LRRC4C: variants seen among roughly 807,000 people sequenced by gnomAD.
LRRC4C encodes the protein leucine rich repeat containing 4C, also known as leucine-rich repeat-containing protein 4C.
In LRRC4C, 5 loss-of-function variants were observed where a neutral mutation model predicts 33.6. The ratio of observed to expected loss-of-function variants is 0.15; its 90% confidence interval spans 0.08 to 0.31. The LOEUF (loss-of-function observed/expected upper bound fraction) is 0.31. LRRC4C is among the 10% of genes least tolerant of loss of function. LRRC4C has a pLI of 1.00. For missense variants in LRRC4C, 560 were observed against 796.7 expected (o/e 0.70, Z 3.58); for synonymous variants, 329 against 302.0 (o/e 1.09, Z -0.93).
At chr11:40,295,023 A>C (rs1028801520) in intron 4 of LRRC4C, among the ~76,000 whole-genome samples, 57 of 152,122 alleles carry the variant, frequency 3.7e-4, no homozygotes, top group African/African-American at 1.3e-3. Flanking sequence ...CAGTTTGTAC[A>C]AGACATCCAG....
chr11:40,412,508 T>A (rs777114105), intron 3 of LRRC4C, among the ~76,000 whole-genome samples: 7 of 152,100 alleles, frequency 4.6e-5, no homozygotes, highest in Non-Finnish European at 8.8e-5. Context: ...TTTTAAAAAT[T>A]CTGGATGAAC....
intron 3 of LRRC4C, among the ~76,000 whole-genome samples, chr11:40,535,002 C>T (rs1956414017): frequency 6.6e-6 from 1 of 152,072 alleles, no homozygotes; most frequent in Non-Finnish European, 1.5e-5. Flanking sequence ...AAAATGTTAT[C>T]TCAATATAGT....
intron 3 of LRRC4C, among the ~76,000 whole-genome samples, chr11:40,348,139 TTAA>T (rs982688565): frequency 7.9e-5 from 12 of 151,996 alleles, no homozygotes; most frequent in South Asian, 4.2e-4. Context: ...CATAACAGAT[TTAA>T]TAATAATAAT....
chr11:40,889,967 C>T (rs947792467), intron 2 of LRRC4C, among the ~76,000 whole-genome samples: 1 of 152,140 alleles, frequency 6.6e-6, no homozygotes, highest in Admixed American at 6.6e-5. Context: ...TACTACATGT[C>T]TCCTCAATTT....
At chr11:41,103,223 ATATCT>A in intron 1 of LRRC4C, among the ~76,000 whole-genome samples, 1 of 152,034 alleles carries the variant, frequency 6.6e-6, no homozygotes, top group South Asian at 2.1e-4. Context: ...ATTGGTAATG[ATATCT>A]TAATTCAGAA....
intron 1 of LRRC4C, among the ~76,000 whole-genome samples, chr11:41,417,970 A>G (rs114311141): frequency 0.012 from 1,837 of 151,274 alleles, 39 homozygotes; most frequent in African/African-American, 0.043. Context: ...ATATACAAAT[A>G]TATACGTGTA....
At chr11:41,297,128 C>T (rs984255059) in intron 1 of LRRC4C, among the ~76,000 whole-genome samples, 1 of 152,126 alleles carries the variant, frequency 6.6e-6, no homozygotes, top group Non-Finnish European at 1.5e-5. Flanking sequence ...CTTTCTCTGT[C>T]AATTGAGATG....
rs1415424333 is a variant in LRRC4C, at chr11:40,500,291, T to C, written c.-270+147851A>G. ...TGTCTGATATATATATATATATATATATACACACACACACACACACACACA... is the reference window on the plus strand; with the variant it reads ...TGTCTGATATATATATATATATATACATACACACACACACACACACACACA... On this transcript the variant is annotated intron_variant, in intron 3 of 6. Coordinates refer to ENST00000528697, the MANE Select transcript of LRRC4C (RefSeq NM_001258419.2). 4.4e-3 allele frequency among the ~76,000 whole-genome samples: 278 copies of C among 62,770 alleles called. 1 individual carries two copies. Among genetic ancestry groups the C allele is most frequent in the Non-Finnish European group, 5.6e-3 (175 of 31,314 alleles). 41.2% of individuals were successfully genotyped at this position (62,770 alleles called of 152,430 possible).
intron 2 of LRRC4C, among the ~76,000 whole-genome samples, chr11:40,719,084 T>G (rs1037796439): frequency 3.9e-5 from 6 of 152,224 alleles, no homozygotes; most frequent in Non-Finnish European, 8.8e-5. Context: ...ATGAAGTCTC[T>G]AGCATGAATC....
At chr11:40,558,864 C>T (rs1957433829) in intron 3 of LRRC4C, among the ~76,000 whole-genome samples, 1 of 152,116 alleles carries the variant, frequency 6.6e-6, no homozygotes, top group African/African-American at 2.4e-5. Flanking sequence ...CTCCCACCCT[C>T]CACCTCAAGT....
intron 6 of LRRC4C, among the ~76,000 whole-genome samples, chr11:40,129,913 A>G (rs568360782): frequency 6.6e-4 from 101 of 152,250 alleles, no homozygotes; most frequent in African/African-American, 2.3e-3. Flanking sequence ...TGGCAGGGCT[A>G]AAAATAAAAA....
intron 3 of LRRC4C, among the ~76,000 whole-genome samples, chr11:40,501,510 C>A (rs1328851391): frequency 6.6e-6 from 1 of 152,230 alleles, no homozygotes; most frequent in African/African-American, 2.4e-5. Context: ...AACCTCAATT[C>A]ATGACTTCTG....
intron 2 of LRRC4C, among the ~76,000 whole-genome samples, chr11:40,698,587 A>G (rs563392700): frequency 1.3e-5 from 2 of 152,298 alleles, no homozygotes; most frequent in African/African-American, 4.8e-5. Context: ...AAGTTCCTGG[A>G]AAGAAGGAAG....
chr11:40,739,199 C>T (rs544878605), intron 2 of LRRC4C, among the ~76,000 whole-genome samples: 2 of 152,018 alleles, frequency 1.3e-5, no homozygotes, highest in African/African-American at 4.8e-5. Flanking sequence ...ACCCTTTAAT[C>T]ACCATCTCCT....
At chr11:40,655,703 AC>A (rs1943067162) in intron 2 of LRRC4C, among the ~76,000 whole-genome samples, 1 of 152,232 alleles carries the variant, frequency 6.6e-6, no homozygotes, top group Non-Finnish European at 1.5e-5. Flanking sequence ...TATTATTCCC[AC>A]GTGAAGAGTG....
intron 3 of LRRC4C, among the ~76,000 whole-genome samples, chr11:40,637,942 C>T (rs922838080): frequency 2.0e-5 from 3 of 152,152 alleles, no homozygotes; most frequent in African/African-American, 7.2e-5. Flanking sequence ...CTCAAATGCA[C>T]AAATCATGCT....
At chr11:41,242,215 G>A (rs536901576) in intron 1 of LRRC4C, among the ~76,000 whole-genome samples, 39 of 150,840 alleles carry the variant, frequency 2.6e-4, no homozygotes, top group Non-Finnish European at 5.3e-4. Flanking sequence ...ATTTTTTTTT[G>A]TTTTGTATAG....
At chr11:41,173,736 C>T (rs1258747451) in intron 1 of LRRC4C, among the ~76,000 whole-genome samples, 1 of 152,086 alleles carries the variant, frequency 6.6e-6, no homozygotes, top group African/African-American at 2.4e-5. Flanking sequence ...TCTGCCACCC[C>T]ATCTGCCTGG....
At chr11:40,620,058 G>GA (rs11344920) in intron 3 of LRRC4C, among the ~76,000 whole-genome samples, 56,416 of 133,256 alleles carry the variant, frequency 0.42, 12,549 homozygotes, top group Middle Eastern at 0.55. Context: ...AAAAATACCT[G>GA]AAAAAAAAAA....
Sources: gnomAD v4.1 joint callset for allele counts (sites outside exome capture counted in the v4.1 genomes callset) on GRCh38, gnomAD v4.1.1 for gene constraint, MANE v1.5 for transcripts, NCBI Gene and HGNC (gene_info 2026-07-23, HGNC 2026-07-21) for gene names.